NFASC: variants seen among roughly 807,000 people sequenced by gnomAD.
NFASC encodes neurofascin.
A neutral mutation model predicts 147.5 loss-of-function variants in NFASC; 43 were observed. That is an observed-to-expected ratio of 0.29 (90% CI 0.23 to 0.38). The LOEUF is 0.38. NFASC is among the 10% of genes least tolerant of loss of function. NFASC has a pLI of 1.00. For synonymous variants in NFASC, 622 were observed against 665.5 expected (o/e 0.93, Z 1.01); for missense variants, 1,320 against 1,689.0 (o/e 0.78, Z 3.83).
At chr1:204,944,717 C>T (rs2149802739) in intron 3 of NFASC, 1 of 354,320 alleles carries the variant, frequency 2.8e-6, no homozygotes, top group Admixed American at 4.6e-5. Context: ...TTGGGTTTTT[C>T]CCTCTGCTCA....
At chr1:204,946,394 C>T (rs756535146) in intron 3 of NFASC, 1 of 482,166 alleles carries the variant, frequency 2.1e-6, no homozygotes, top group Non-Finnish European at 4.2e-6. Flanking sequence ...CACAGCACCT[C>T]TCTGATGGAG....
chr1:204,929,975 A>G (rs1297095739), intron 2 of NFASC, among the ~76,000 whole-genome samples: 1 of 152,028 alleles, frequency 6.6e-6, no homozygotes, highest in Non-Finnish European at 1.5e-5. Flanking sequence ...GATGGAAGGG[A>G]GGTGGCCATG....
chr1:204,919,583 A>G (rs1646516866), intron 1 of NFASC, among the ~76,000 whole-genome samples: 1 of 152,146 alleles, frequency 6.6e-6, no homozygotes, highest in South Asian at 2.1e-4. Flanking sequence ...TTAGATAGCT[A>G]TTGCCACATT....
intron 1 of NFASC, among the ~76,000 whole-genome samples, chr1:204,876,413 T>C (rs1451276420): frequency 6.6e-6 from 1 of 152,216 alleles, no homozygotes; most frequent in African/African-American, 2.4e-5. Context: ...TTTTCTTTCT[T>C]TTGTCATTAT....
chr1:204,871,070 G>A, intron 1 of NFASC: 1 of 1,289,860 alleles, frequency 7.8e-7, no homozygotes. Context: ...TCAGGAGAGA[G>A]GTAGGATGGT....
chr1:204,979,660 C>T lies in NFASC; in HGVS notation c.2176+101C>T. ...AGCCATGTGAACTTAGGTTACTTAA[C>T]TTCTCCAAGGCCCGGCCTCATCTGT... On this transcript the variant is annotated intron_variant, in intron 19 of 29. Coordinates refer to ENST00000339876, the MANE Select transcript of NFASC (RefSeq NM_001005388.3). The surrounding 1 kb of genome is among the most constrained non-coding windows in gnomAD (Gnocchi z 6.0). 2 of 1,089,834 alleles carry T rather than the reference C, an allele frequency of 1.8e-6. No homozygotes were observed. The highest frequency in any genetic ancestry group is 2.8e-6 in the Non-Finnish European group (2 of 709,488). 67.5% of individuals were successfully genotyped at this position (1,089,834 alleles called of 1,614,324 possible).
chr1:204,860,779 A>C (rs978892872), intron 1 of NFASC, among the ~76,000 whole-genome samples: 1 of 152,120 alleles, frequency 6.6e-6, no homozygotes, highest in African/African-American at 2.4e-5. Flanking sequence ...ATCATTAATC[A>C]GTTTTTTCTC....
chr1:204,931,304 C>A (rs1239715336), intron 2 of NFASC, among the ~76,000 whole-genome samples: 2 of 152,206 alleles, frequency 1.3e-5, no homozygotes, highest in African/African-American at 4.8e-5. Context: ...CACATGCATA[C>A]TCCTTAATTT....
Position 204,968,991 on chromosome 1 carries a change from T to G in NFASC, c.1003+9T>G, listed in dbSNP as rs765127359. 8.1e-6 allele frequency: 13 copies of G among 1,609,186 alleles called. No individual in the cohort carries two copies. The highest frequency in any genetic ancestry group is 8.5e-7 in the Non-Finnish European group (1 of 1,177,252). On this transcript the variant is annotated intron_variant, in intron 10 of 29. Transcript: ENST00000339876. The surrounding 1 kb of genome is among the most constrained non-coding windows in gnomAD (Gnocchi z 5.4). The stretch of plus-strand genomic sequence containing the variant: ...CTCGGTGAGAGTAAAGGGTACGTTG[T>G]GTGTATTTATCATTATGATTATGTT...
At chr1:204,925,356 GGTGGGAGGGAAACTCAGGT>G (rs2149492579) in intron 2 of NFASC, among the ~76,000 whole-genome samples, 1 of 152,344 alleles carries the variant, frequency 6.6e-6, no homozygotes, top group South Asian at 2.1e-4. Flanking sequence ...TAAATGGCTA[GGTGGGAGGGAAACTCAGGT>G]GTGTGTGGCT....
intron 1 of NFASC, among the ~76,000 whole-genome samples, chr1:204,883,935 C>A (rs1039062560): frequency 6.6e-6 from 1 of 152,202 alleles, no homozygotes; most frequent in Non-Finnish European, 1.5e-5. Context: ...GTGGTGCTCC[C>A]TCTGCCATCT....
At chr1:204,973,790 C>G (rs2095327866) in intron 12 of NFASC, among the ~76,000 whole-genome samples, 1 of 152,072 alleles carries the variant, frequency 6.6e-6, no homozygotes, top group Non-Finnish European at 1.5e-5. Flanking sequence ...ATGTTGACTT[C>G]CCCTGGGTTC....
At position 204,973,403 on chromosome 1, in the gene NFASC, C is replaced by G; in HGVS notation, c.1263C>G (p.Ala421=). ...AGCATGGCTACCTGCTGGCCAACGC[C>G]TTTGTCAGTGTGCTGGGTGAGTGTG... ...SNEHGYLLAN[A]FVSVLDVPPR... Residue 421 remains alanine, a synonymous_variant, in exon 12 of 30, where the codon GCC becomes GCG. Transcript: ENST00000339876. The G allele has an allele frequency of 6.2e-7, 1 of 1,614,250 alleles. No homozygotes were observed.
intron 3 of NFASC, chr1:204,946,196 G>A (rs1259643264): frequency 2.4e-6 from 1 of 415,040 alleles, no homozygotes; most frequent in South Asian, 1.6e-5. Context: ...TGCTAGCTTA[G>A]AGTCACACAG....
At chr1:204,964,261 G>A (rs77010767) in intron 8 of NFASC, among the ~76,000 whole-genome samples, 1,805 of 152,332 alleles carry the variant, frequency 0.012, 17 homozygotes, top group Non-Finnish European at 0.018. Context: ...TGTGCTTATG[G>A]TTCCTAGTAT....
At chr1:204,870,801 C>T (rs947469522) in intron 1 of NFASC, 156 of 1,175,640 alleles carry the variant, frequency 1.3e-4, no homozygotes, top group Non-Finnish European at 1.5e-4. Flanking sequence ...GTTTATGCCA[C>T]GGAGGGCTGG....
At chr1:204,879,131 G>A (rs2079610801) in intron 1 of NFASC, among the ~76,000 whole-genome samples, 1 of 152,190 alleles carries the variant, frequency 6.6e-6, no homozygotes, top group African/African-American at 2.4e-5. Context: ...TCTTCAACTA[G>A]ATTTAATGAA....
rs75082979 is a variant in NFASC, at chr1:204,921,522, T to G, written c.-91+782T>G. ...CCACCTCACTCTCTTGTTGTCTTTTTTCCTCCCAGAAAGAGTTGGAGCTGG... is the reference window on the plus strand; with the variant it reads ...CCACCTCACTCTCTTGTTGTCTTTTGTCCTCCCAGAAAGAGTTGGAGCTGG... On this transcript the variant is annotated intron_variant, in intron 2 of 29. Coordinates refer to ENST00000339876, the MANE Select transcript of NFASC (RefSeq NM_001005388.3). Among the ~76,000 whole-genome samples, 957 of 152,242 alleles carry G rather than the reference T, an allele frequency of 6.3e-3. 13 individuals are homozygous for G. The highest frequency in any genetic ancestry group is 0.013 in the East Asian group (65 of 5,172).
intron 1 of NFASC, among the ~76,000 whole-genome samples, chr1:204,843,249 C>G (rs558967421): frequency 4.6e-5 from 7 of 152,148 alleles, no homozygotes; most frequent in African/African-American, 1.2e-4. Context: ...TCAGCAGTGG[C>G]TAAAGATATT....
Sources: gnomAD v4.1 joint callset for allele counts (sites outside exome capture counted in the v4.1 genomes callset) on GRCh38, gnomAD v4.1.1 for gene constraint, Gnocchi (gnomAD v3.1) non-coding constraint, MANE v1.5 for transcripts, NCBI Gene and HGNC (gene_info 2026-07-23, HGNC 2026-07-21) for gene names.